The following TTC28 variants were observed in gnomAD, a reference collection of about 807,000 sequenced individuals.
TTC28 encodes tetratricopeptide repeat protein 28.
Under a neutral mutation model 198.0 loss-of-function variants are expected in TTC28, and 61 were observed. The ratio of observed to expected loss-of-function variants is 0.31; its 90% CI spans 0.25 to 0.38. The LOEUF (loss-of-function observed/expected upper bound fraction) is 0.38, where lower values mean the gene tolerates loss of function less well. Ranked by LOEUF, TTC28 falls within the 10% of genes least tolerant of loss-of-function variation. The pLI is 1.00. For synonymous variants in TTC28, 1,171 were observed against 1,297.8 expected, an observed-to-expected ratio of 0.90 and a Z score of 2.10; for missense variants, 2,678 against 3,164.0, an observed-to-expected ratio of 0.85 and a Z score of 3.69.
At chr22:28,598,928 G>C (rs1316872350) in intron 2 of TTC28, among the ~76,000 whole-genome samples, 1 of 152,164 alleles carries the variant, frequency 6.6e-6, no homozygotes, top group Non-Finnish European at 1.5e-5. Context: ...TAGTGATGTG[G>C]TAGATTACAA....
intron 2 of TTC28, among the ~76,000 whole-genome samples, chr22:28,310,714 A>C (rs1019112366): frequency 2.0e-5 from 3 of 152,174 alleles, no homozygotes; most frequent in African/African-American, 7.2e-5. Context: ...TGCATAACCT[A>C]GTACTTATTT....
chr22:28,632,113 GAAGA>G (rs2051182695), intron 1 of TTC28, among the ~76,000 whole-genome samples: 1 of 151,922 alleles, frequency 6.6e-6, no homozygotes, highest in Non-Finnish European at 1.5e-5. Flanking sequence ...CCAAAGAAAG[GAAGA>G]AAGGCAGATC....
At chr22:28,497,170 T>C (rs1172601894) in intron 2 of TTC28, among the ~76,000 whole-genome samples, 3 of 152,232 alleles carry the variant, frequency 2.0e-5, no homozygotes, top group African/African-American at 7.2e-5. Flanking sequence ...TTTAGTTTAC[T>C]GTACATCTTT....
chr22:28,131,146 A>G (rs1943051627), intron 6 of TTC28, among the ~76,000 whole-genome samples: 2 of 152,204 alleles, frequency 1.3e-5, no homozygotes, highest in Admixed American at 1.3e-4. Context: ...TAGAAATCCA[A>G]TAAGGCCTTT....
chr22:28,561,230 C>T (rs910963439), intron 2 of TTC28, among the ~76,000 whole-genome samples: 6 of 151,774 alleles, frequency 4.0e-5, no homozygotes, highest in Non-Finnish European at 8.8e-5. Flanking sequence ...CCCACCGCCA[C>T]GCCCGGCCAA....
Position 28,125,730 on chromosome 22 carries a change from C to T in TTC28, c.1442-17327G>A, listed in dbSNP as rs555815487. 9.3e-4 allele frequency among the ~76,000 whole-genome samples: 142 copies of T among 152,278 alleles called. 1 individual carries two copies. The highest frequency in any genetic ancestry group is 3.2e-3 in the African/African-American group (135 of 41,554). ...ACCAATCATTAATAAGACAAGCCAA[C>T]TGGCTGAACAGTGATTTTTTAAAAT... On this transcript the variant is annotated intron_variant, in intron 6 of 22. Coordinates refer to ENST00000397906, the MANE Select transcript of TTC28 (RefSeq NM_001145418.2).
Position 28,107,234 on chromosome 22 carries a change from C to A in TTC28, c.2611G>T (p.Glu871Ter). 1 of 1,551,732 alleles carries A rather than the reference C, an allele frequency of 6.4e-7. No homozygotes were observed. Residue 871 changes from glutamate (E) to a stop codon, truncating the protein, a stop_gained, in exon 7 of 23, where the codon GAG (glutamate) becomes TAG (stop). Transcript: ENST00000397906. LOFTEE classifies it high-confidence loss of function. The stretch of plus-strand genomic sequence containing the variant: ...GCCCGGCCCCTGTCGAGCACAGACT[C>A]ATTTCCACTTAGCTGCTGCAGCATG... Reference protein sequence around the residue: ...LAMLQQLSGNESVLDRGRAYG... With the variant: ...LAMLQQLSGN
At chr22:28,170,248 A>C (rs1922522920) in intron 5 of TTC28, among the ~76,000 whole-genome samples, 1 of 151,998 alleles carries the variant, frequency 6.6e-6, no homozygotes, top group Non-Finnish European at 1.5e-5. Context: ...AGCACTTTGG[A>C]AGGCTGAGGC....
chr22:28,624,728 A>G (rs1213703889), intron 2 of TTC28, among the ~76,000 whole-genome samples: 1 of 152,178 alleles, frequency 6.6e-6, no homozygotes, highest in Non-Finnish European at 1.5e-5. Context: ...AATACTTTAC[A>G]ACTCATTACA....
chr22:28,405,130 T>G (rs553873998), intron 2 of TTC28, among the ~76,000 whole-genome samples: 1 of 152,358 alleles, frequency 6.6e-6, no homozygotes, highest in South Asian at 2.1e-4. Context: ...AAGGATCATA[T>G]GTCAGTTTTT....
intron 5 of TTC28, among the ~76,000 whole-genome samples, chr22:28,214,832 C>G (rs568879489): frequency 1.3e-5 from 2 of 152,138 alleles, no homozygotes; most frequent in Non-Finnish European, 2.9e-5. Context: ...CACATGCACA[C>G]GTATGTTTAT....
chr22:28,022,394 C>G (rs748513124), intron 13 of TTC28, among the ~76,000 whole-genome samples: 1 of 152,256 alleles, frequency 6.6e-6, no homozygotes. Flanking sequence ...ACACATGGTC[C>G]TCACCTTCTC....
chr22:28,650,494 A>G (rs1209851635), intron 1 of TTC28, among the ~76,000 whole-genome samples: 3 of 152,200 alleles, frequency 2.0e-5, no homozygotes, highest in Admixed American at 6.5e-5. Context: ...GACAGCCTCA[A>G]AGTGCAATAT....
At chr22:28,467,326 A>C (rs1381380104) in intron 2 of TTC28, among the ~76,000 whole-genome samples, 1 of 152,198 alleles carries the variant, frequency 6.6e-6, no homozygotes, top group Non-Finnish European at 1.5e-5. Context: ...CAGGAGGCTG[A>C]GGTGGGAGGA....
At chr22:28,586,222 G>T (rs1239102546) in intron 2 of TTC28, among the ~76,000 whole-genome samples, 3 of 151,170 alleles carry the variant, frequency 2.0e-5, no homozygotes, top group Non-Finnish European at 3.0e-5. Flanking sequence ...GAGCTTGCAG[G>T]GAGCCAAGAT....
intron 10 of TTC28, among the ~76,000 whole-genome samples, chr22:28,097,839 C>A (rs1344608836): frequency 1.3e-5 from 2 of 152,190 alleles, no homozygotes; most frequent in Admixed American, 1.3e-4. Flanking sequence ...ACAGCAGGAA[C>A]AATTTCTGTG....
intron 12 of TTC28, among the ~76,000 whole-genome samples, chr22:28,041,258 A>C (rs1939628171): frequency 6.6e-6 from 1 of 152,354 alleles, no homozygotes; most frequent in Admixed American, 6.5e-5. Flanking sequence ...GAACCAAAGA[A>C]GAGCCTGCAT....
intron 5 of TTC28, among the ~76,000 whole-genome samples, chr22:28,261,751 C>T (rs1316062919): frequency 2.0e-5 from 3 of 152,078 alleles, no homozygotes; most frequent in African/African-American, 4.8e-5. Context: ...GACTGGGTCT[C>T]GCTATATTGC....
At chr22:28,285,545 A>G (rs1180592179) in intron 5 of TTC28, among the ~76,000 whole-genome samples, 1 of 152,180 alleles carries the variant, frequency 6.6e-6, no homozygotes, top group African/African-American at 2.4e-5. Context: ...TACTGAAAGA[A>G]TGGATCTTCA....
Sources: allele counts gnomAD v4.1 joint callset (sites outside exome capture counted in the v4.1 genomes callset), GRCh38; gene constraint gnomAD v4.1.1; transcripts MANE v1.5; gene names NCBI Gene and HGNC (gene_info 2026-07-23, HGNC 2026-07-21).